Variants in GTF2H1 observed in about 807,000 individuals in gnomAD.
GTF2H1 encodes general transcription factor IIH subunit 1, also known as BTF2 p62.
GTF2H1 carries 16 observed loss-of-function variants against 71.2 expected under a neutral mutation model. The observed-to-expected ratio is 0.22, with a 90% CI of 0.15 to 0.34. The LOEUF is 0.34. GTF2H1 is among the 10% of genes least tolerant of loss of function. GTF2H1 has a pLI of 1.00. For missense variants in GTF2H1, 498 were observed against 648.2 expected, an observed-to-expected ratio of 0.77 and a Z score of 2.52; for synonymous variants, 215 against 219.0, an observed-to-expected ratio of 0.98 and a Z score of 0.16.
chr11:18,360,006 C>T (rs1865659030), intron 13 of GTF2H1, among the ~76,000 whole-genome samples: 1 of 151,786 alleles, frequency 6.6e-6, no homozygotes, highest in South Asian at 2.1e-4. Flanking sequence ...CTAGAGAGGT[C>T]AAAGCTGCAG....
chr11:18,333,866 C>G (rs1864959842), intron 2 of GTF2H1, among the ~76,000 whole-genome samples: 1 of 152,218 alleles, frequency 6.6e-6, no homozygotes, highest in Non-Finnish European at 1.5e-5. Context: ...GGCAAGTTGT[C>G]TGATCTTTGC....
chr11:18,348,052 T>C (rs569694835), intron 9 of GTF2H1, 133 bp downstream of exon 9: 1 of 721,632 alleles, frequency 1.4e-6, no homozygotes, highest in South Asian at 1.5e-5. Flanking sequence ...TGGCTTAAAG[T>C]GTATAGCATT....
chr11:18,347,622 A>G lies in GTF2H1; in HGVS notation c.872A>G (p.Asn291Ser), dbSNP rs1865326028. The G allele has an allele frequency of 1.2e-6, 2 of 1,611,654 alleles. No homozygotes were observed. The highest frequency in any genetic ancestry group is 1.3e-5 in the African/African-American group (1 of 74,868). ...ATTTCCTCTGTGCCATCTGCTTCCA[A>G]TTCTAAATCCATAAAAGAGAATAGT... The part of the protein sequence containing the change: ...YGISSVPSAS[N>S]SKSIKENSNA... The change falls in exon 8 of 15, where the codon AAT (asparagine) becomes AGT (serine). Residue 291 changes from asparagine to serine, a missense_variant. Coordinates refer to ENST00000265963, the MANE Select transcript of GTF2H1 (RefSeq NM_005316.4).
At chr11:18,329,527 T>C (rs1864845816) in intron 1 of GTF2H1, among the ~76,000 whole-genome samples, 1 of 152,214 alleles carries the variant, frequency 6.6e-6, no homozygotes, top group Admixed American at 6.5e-5. Flanking sequence ...GCTCACAGAT[T>C]AATTTCTAAA....
At chr11:18,355,166 G>A (rs1255142838) in intron 11 of GTF2H1, among the ~76,000 whole-genome samples, 4 of 147,284 alleles carry the variant, frequency 2.7e-5, no homozygotes, top group African/African-American at 7.5e-5. Context: ...TTTGTGAGAC[G>A]GAGTCTTGCT....
At chr11:18,356,706 T>C (rs1865556901) in intron 11 of GTF2H1, among the ~76,000 whole-genome samples, 1 of 151,506 alleles carries the variant, frequency 6.6e-6, no homozygotes, top group African/African-American at 2.4e-5. Flanking sequence ...CACCTCAGCC[T>C]CCTGAGTCAC....
Position 18,366,128 on chromosome 11 carries a change from CAT to C in GTF2H1, c.*264_*265del, listed in dbSNP as rs1022416376. 8.6e-6 allele frequency: 4 copies of C among 466,330 alleles called. No individual in the cohort carries two copies. The highest frequency in any genetic ancestry group is 6.7e-5 in the East Asian group (2 of 29,768). 28.9% of individuals were successfully genotyped at this position (466,330 alleles called of 1,614,324 possible). A position where few individuals can be genotyped will look rare whatever the true frequency, so the allele number is the denominator to read the frequency against. On this transcript the variant is annotated 3_prime_UTR_variant, in exon 15 of 15. Coordinates refer to ENST00000265963, the MANE Select transcript of GTF2H1 (RefSeq NM_005316.4). Reference sequence around the variant, plus strand: ...AAATATATATATATACACACACACACATATATGTACATGTGTATGTACATATA... The same window carrying C: ...AAATATATATATATACACACACACACATATGTACATGTGTATGTACATATA...
At chr11:18,339,499 C>A in intron 4 of GTF2H1, 65 bp from the exon 5 acceptor site, 1 of 1,084,848 alleles carries the variant, frequency 9.2e-7, no homozygotes, top group Admixed American at 2.0e-5. Flanking sequence ...GTCCAGTGTC[C>A]ACTGGGACCT....
intron 1 of GTF2H1, among the ~76,000 whole-genome samples, chr11:18,329,186 T>C (rs1044377730): frequency 2.4e-4 from 37 of 152,222 alleles, no homozygotes. Flanking sequence ...CATGGAATTT[T>C]TTAAATCCCT....
chr11:18,330,323 A>G (rs966259273), intron 1 of GTF2H1, among the ~76,000 whole-genome samples: 4 of 152,198 alleles, frequency 2.6e-5, no homozygotes, highest in African/African-American at 9.7e-5. Flanking sequence ...AGAATTCACC[A>G]AGACAGTTGT....
chr11:18,362,668 C>CTTTT (rs35306497), intron 14 of GTF2H1, among the ~76,000 whole-genome samples: 5 of 107,924 alleles, frequency 4.6e-5, no homozygotes, highest in Admixed American at 1.0e-4. Context: ...TTTTCTTTTT[C>CTTTT]TTTTTTTTTT....
intron 2 of GTF2H1, among the ~76,000 whole-genome samples, chr11:18,334,786 C>A (rs1864986053): frequency 6.6e-6 from 1 of 152,146 alleles, no homozygotes; most frequent in Admixed American, 6.5e-5. Context: ...ATATGCCCCA[C>A]CTAGATATTA....
At chr11:18,355,863 A>G (rs943554252) in intron 11 of GTF2H1, among the ~76,000 whole-genome samples, 4 of 152,196 alleles carry the variant, frequency 2.6e-5, no homozygotes, top group African/African-American at 9.6e-5. Flanking sequence ...TCAAGATTTT[A>G]AAAAACCGGT....
chr11:18,327,729 C>T (rs1248710742), intron 1 of GTF2H1, among the ~76,000 whole-genome samples: 1 of 152,174 alleles, frequency 6.6e-6, no homozygotes, highest in Non-Finnish European at 1.5e-5. Context: ...GCTGGGACTA[C>T]AGATGTGTAC....
intron 7 of GTF2H1, among the ~76,000 whole-genome samples, chr11:18,346,065 C>T (rs1865286577): frequency 6.6e-6 from 1 of 152,206 alleles, no homozygotes; most frequent in Non-Finnish European, 1.5e-5. Context: ...GTTGGGATTA[C>T]AGGCGTAAGC....
intron 1 of GTF2H1, among the ~76,000 whole-genome samples, chr11:18,329,696 TAG>T (rs1352795104): frequency 6.6e-6 from 1 of 152,248 alleles, no homozygotes; most frequent in East Asian, 1.9e-4. Context: ...TACTCATTCC[TAG>T]AGAGTTTCAG....
chr11:18,347,879 A>C lies in GTF2H1; in HGVS notation c.1013A>C (p.Asn338Thr), dbSNP rs199904621. ...QTSEPSNMDG[N>T]SGDADCFQPA... ...AGTGAGCCCAGCAACATGGATGGAAATTCCGGAGATGCAGACTGCTTTCAG... is the reference window on the plus strand; with the variant it reads ...AGTGAGCCCAGCAACATGGATGGAACTTCCGGAGATGCAGACTGCTTTCAG... Residue 338 changes from asparagine (N) to threonine (T), a missense_variant, in exon 9 of 15, where the codon AAT (asparagine) becomes ACT (threonine). Coordinates refer to ENST00000265963, the MANE Select transcript of GTF2H1 (RefSeq NM_005316.4). The C allele has an allele frequency of 6.2e-7, 1 of 1,613,782 alleles. No homozygotes were observed.
chr11:18,351,814 T>C, intron 9 of GTF2H1, 67 bp from the exon 10 acceptor site: 1 of 864,506 alleles, frequency 1.2e-6, no homozygotes, highest in Non-Finnish European at 1.9e-6. Flanking sequence ...GTTTTGTTTT[T>C]TCAGTCATGT....
At chr11:18,353,677 T>C (rs994839759) in intron 11 of GTF2H1, among the ~76,000 whole-genome samples, 1 of 152,226 alleles carries the variant, frequency 6.6e-6, no homozygotes, top group African/African-American at 2.4e-5. Context: ...AGGCACTGAG[T>C]GTATACCTAT....
Sources: gnomAD v4.1 joint callset for allele counts (sites outside exome capture counted in the v4.1 genomes callset) on GRCh38, gnomAD v4.1.1 for gene constraint, MANE v1.5 for transcripts, NCBI Gene and HGNC (gene_info 2026-07-23, HGNC 2026-07-21) for gene names.